SLC8A1: variants seen among roughly 807,000 people sequenced by gnomAD.
SLC8A1 encodes the protein solute carrier family 8 member A1.
SLC8A1 carries 18 observed loss-of-function variants against 68.3 expected under a neutral mutation model. The observed-to-expected ratio is 0.26, with a 90% CI of 0.18 to 0.39. SLC8A1 has a LOEUF of 0.39. Ranked by LOEUF, SLC8A1 falls within the 10% of genes least tolerant of loss-of-function variation. SLC8A1 has a pLI of 1.00. For missense variants in SLC8A1, 985 were observed against 1,156.7 expected, an observed-to-expected ratio of 0.85 and a Z score of 2.15; for synonymous variants, 475 against 415.5, an observed-to-expected ratio of 1.14 and a Z score of -1.74.
chr2:40,178,396 C>T, intron 2 of SLC8A1: 1 of 1,613,762 alleles, frequency 6.2e-7, no homozygotes, highest in Non-Finnish European at 8.5e-7. Context: ...CCTTTCTTCT[C>T]ACTCATCTCC....
At chr2:40,184,245 A>G (rs1055526307) in intron 2 of SLC8A1, among the ~76,000 whole-genome samples, 31 of 152,176 alleles carry the variant, frequency 2.0e-4, no homozygotes, top group Non-Finnish European at 1.0e-4. Context: ...ATATGCAGCC[A>G]GGGCTTGCTT....
intron 2 of SLC8A1, among the ~76,000 whole-genome samples, chr2:40,261,325 T>C (rs535010609): frequency 6.6e-6 from 1 of 152,320 alleles, no homozygotes; most frequent in East Asian, 1.9e-4. Context: ...TTTCAGCTCT[T>C]TTCAGATTCT....
At chr2:40,113,757 A>C (rs1339078239) in exon 8 of SLC8A1, 2 of 152,820 alleles carry the variant, frequency 1.3e-5, no homozygotes. Flanking sequence ...GGTGGCTCTG[A>C]AAGCCTAGGC....
chr2:40,441,487 G>T (rs1700475561), intron 1 of SLC8A1, among the ~76,000 whole-genome samples: 1 of 151,844 alleles, frequency 6.6e-6, no homozygotes, highest in African/African-American at 2.4e-5. Flanking sequence ...AAAGCTGGGG[G>T]CATCACACTA....
At chr2:40,453,302 TG>T (rs541336788), upstream of SLC8A1, 11 of 152,000 alleles carry the variant, frequency 7.2e-5, no homozygotes, top group East Asian at 1.9e-3. Context: ...CCAAGGTGTG[TG>T]GGGGGGTCAG....
At chr2:40,492,494 G>A (rs1705384879) in intron 1 of SLC8A1, among the ~76,000 whole-genome samples, 1 of 151,958 alleles carries the variant, frequency 6.6e-6, no homozygotes, top group Non-Finnish European at 1.5e-5. Context: ...ATTGACAAAT[G>A]GGATCTAATT....
At chr2:40,197,944 A>G (rs1264951361) in intron 2 of SLC8A1, among the ~76,000 whole-genome samples, 1 of 151,954 alleles carries the variant, frequency 6.6e-6, no homozygotes, top group Non-Finnish European at 1.5e-5. Context: ...GAAAGAAAGC[A>G]GTGCCTCCAC....
intron 2 of SLC8A1, among the ~76,000 whole-genome samples, chr2:40,178,875 C>T (rs1049357320): frequency 2.6e-5 from 4 of 152,150 alleles, no homozygotes; most frequent in Non-Finnish European, 5.9e-5. Context: ...GAACTCACTC[C>T]TTTAGAACAA....
intron 2 of SLC8A1, among the ~76,000 whole-genome samples, chr2:40,366,598 A>G (rs934149816): frequency 5.9e-5 from 9 of 152,042 alleles, no homozygotes; most frequent in Non-Finnish European, 1.2e-4. Context: ...AGGAGGCAAC[A>G]GGCTTAAAGA....
intron 2 of SLC8A1, among the ~76,000 whole-genome samples, chr2:40,307,293 G>C (rs1214924958): frequency 2.0e-5 from 3 of 152,068 alleles, no homozygotes; most frequent in African/African-American, 7.2e-5. Flanking sequence ...AAACATAGTA[G>C]TCACATAAAG....
rs1388015045 is a variant in SLC8A1, at chr2:40,479,884, C to T, written c.-25+32465G>A. Among the ~76,000 whole-genome samples, 3 of 152,308 alleles carry T rather than the reference C, an allele frequency of 2.0e-5. No individual in the cohort carries two copies. The East Asian group carries it at 5.8e-4, about 29-fold the overall frequency. On this transcript the variant is annotated intron_variant, in intron 1 of 7. Coordinates refer to the SLC8A1 transcript ENST00000402441. ...CTTACTAGCTGTGCAGTTGCCTACC[C>T]TCAGCTCCCATTCCATGGGCCAGTA...
intron 1 of SLC8A1, among the ~76,000 whole-genome samples, chr2:40,472,397 A>C (rs1043489749): frequency 1.1e-4 from 17 of 152,206 alleles, no homozygotes; most frequent in African/African-American, 3.9e-4. Context: ...CAAATATAAA[A>C]GCACTATATT....
chr2:40,449,181 CA>C (rs5830628), intron 1 of SLC8A1, among the ~76,000 whole-genome samples: 63 of 147,812 alleles, frequency 4.3e-4, no homozygotes, highest in Middle Eastern at 3.5e-3. Flanking sequence ...AAAACAACAA[CA>C]AAAAAAAACA....
intron 1 of SLC8A1, among the ~76,000 whole-genome samples, chr2:40,494,520 G>A (rs889652652): frequency 3.3e-5 from 5 of 151,458 alleles, no homozygotes; most frequent in Non-Finnish European, 7.4e-5. Flanking sequence ...TATATACCCA[G>A]TAATGGGATG....
chr2:40,239,194 AAAGTAGGTTTATTTAAAAAGTG>A (rs2060868876), intron 2 of SLC8A1, among the ~76,000 whole-genome samples: 1 of 152,238 alleles, frequency 6.6e-6, no homozygotes, highest in South Asian at 2.1e-4. Flanking sequence ...AAAGGGGCAT[AAAGTAGGTTTATTTAAAAAGTG>A]AACACAGTAC....
chr2:40,286,968 G>A (rs1247528885), intron 2 of SLC8A1, among the ~76,000 whole-genome samples: 1 of 152,186 alleles, frequency 6.6e-6, no homozygotes, highest in East Asian at 1.9e-4. Flanking sequence ...TGCAATTTGA[G>A]ACATGGAGTT....
At chr2:40,140,368 C>T (rs1038169157) in intron 6 of SLC8A1, among the ~76,000 whole-genome samples, 1 of 152,186 alleles carries the variant, frequency 6.6e-6, no homozygotes, top group African/African-American at 2.4e-5. Context: ...CCTTCCTCAC[C>T]CATCCTTTAA....
intron 2 of SLC8A1, among the ~76,000 whole-genome samples, chr2:40,196,319 C>T (rs1451407946): frequency 6.6e-6 from 1 of 151,828 alleles, no homozygotes; most frequent in Non-Finnish European, 1.5e-5. Flanking sequence ...AGAAGTTGTC[C>T]TGAGAAAACT....
chr2:40,301,869 C>A (rs900574883), intron 2 of SLC8A1, among the ~76,000 whole-genome samples: 1 of 151,934 alleles, frequency 6.6e-6, no homozygotes, highest in Non-Finnish European at 1.5e-5. Flanking sequence ...TACTGAACCC[C>A]AATTTTTTTT....
Sources: allele counts gnomAD v4.1 joint callset (sites outside exome capture counted in the v4.1 genomes callset), GRCh38; gene constraint gnomAD v4.1.1; transcripts MANE v1.5; gene names NCBI Gene and HGNC (gene_info 2026-07-23, HGNC 2026-07-21).